The following GABRB3 variants were observed in gnomAD, a reference collection of about 807,000 sequenced individuals.
GABRB3 encodes the protein gamma-aminobutyric acid receptor subunit beta-3.
A neutral mutation model predicts 52.1 loss-of-function variants in GABRB3; 14 were observed. That is an observed-to-expected ratio of 0.27 (90% confidence interval 0.18 to 0.42). The LOEUF (loss-of-function observed/expected upper bound fraction) is 0.42. Among genes scored for constraint, GABRB3 ranks in the 10% least tolerant of loss-of-function variants. The pLI, the probability that GABRB3 is intolerant of heterozygous loss-of-function variation, is 1.00. For missense variants in GABRB3, 307 were observed against 609.1 expected (o/e 0.50, Z 5.22); for synonymous variants, 260 against 232.3 (o/e 1.12, Z -1.08).
intron 3 of GABRB3, among the ~76,000 whole-genome samples, chr15:26,650,926 C>T (rs1887177210): frequency 6.6e-6 from 1 of 152,130 alleles, no homozygotes. Context: ...GCTCCACTCT[C>T]TACTGAGAGC....
intron 3 of GABRB3, chr15:26,624,176 C>T: frequency 2.0e-6 from 2 of 983,790 alleles, no homozygotes; most frequent in Non-Finnish European, 2.4e-6. Context: ...TGCACCTTCA[C>T]AGGGCATATT....
intron 3 of GABRB3, among the ~76,000 whole-genome samples, chr15:26,756,587 T>A (rs1890668598): frequency 6.6e-6 from 1 of 151,686 alleles, no homozygotes. Context: ...CAAAAAAAAA[T>A]TTTTAAAGTA....
At chr15:26,614,633 G>A (rs1024781545) in intron 4 of GABRB3, 5 of 152,146 alleles carry the variant, frequency 3.3e-5, no homozygotes, top group Non-Finnish European at 7.3e-5. Flanking sequence ...AATCACACGA[G>A]ACCTAATACC....
Position 26,656,080 on chromosome 15 carries a change from G to A in GABRB3, c.241-34546C>T, listed in dbSNP as rs369114373. Among the ~76,000 whole-genome samples the A allele has an allele frequency of 1.4e-3, 214 of 152,114 alleles. 1 individual carries two copies. Among genetic ancestry groups the A allele is most frequent in the African/African-American group, 4.9e-3 (203 of 41,496 alleles). On this transcript the variant is annotated intron_variant, in intron 3 of 8. Coordinates refer to ENST00000311550, the MANE Select transcript of GABRB3 (RefSeq NM_000814.6). ...TTGGGATGTGCACGTTTTAACAGCC[G>A]TCAGATACAGATGCATATTTTCACA...
At chr15:26,724,444 C>G (rs989231538) in intron 3 of GABRB3, among the ~76,000 whole-genome samples, 1 of 152,148 alleles carries the variant, frequency 6.6e-6, no homozygotes, top group African/African-American at 2.4e-5. Context: ...AGGGGCTAAA[C>G]AGAAACCAGC....
At chr15:26,605,420 C>T (rs937005514) in intron 4 of GABRB3, among the ~76,000 whole-genome samples, 9 of 152,148 alleles carry the variant, frequency 5.9e-5, no homozygotes, top group Non-Finnish European at 1.2e-4. Context: ...GGTATACACC[C>T]AACAGGTGAA....
intron 3 of GABRB3, among the ~76,000 whole-genome samples, chr15:26,638,270 G>A (rs577535046): frequency 9.2e-5 from 14 of 152,246 alleles, no homozygotes; most frequent in African/African-American, 3.1e-4. Flanking sequence ...GGCAGATGCA[G>A]CAGGGCTGAG....
intron 5 of GABRB3, among the ~76,000 whole-genome samples, chr15:26,582,319 C>T (rs926244162): frequency 1.3e-5 from 2 of 152,206 alleles, no homozygotes; most frequent in African/African-American, 4.8e-5. Flanking sequence ...ACTTCCTCCA[C>T]TGGAGTTGTG....
intron 3 of GABRB3, among the ~76,000 whole-genome samples, chr15:26,672,177 C>T (rs558109341): frequency 6.6e-6 from 1 of 152,224 alleles, no homozygotes; most frequent in African/African-American, 2.4e-5. Context: ...TTATTTTGAG[C>T]TGAAGACATT....
chr15:26,711,462 GC>G, intron 3 of GABRB3, among the ~76,000 whole-genome samples: 1 of 105,888 alleles, frequency 9.4e-6, no homozygotes, highest in East Asian at 5.1e-4. Context: ...CCACTGCTCC[GC>G]TCGGCCTCAT....
intron 3 of GABRB3, among the ~76,000 whole-genome samples, chr15:26,742,947 T>TTTTTTTG (rs771203717): frequency 1.7e-4 from 18 of 104,164 alleles, no homozygotes; most frequent in East Asian, 6.1e-4. Flanking sequence ...TTTTTTTTTT[T>TTTTTTTG]GAGACAGAGT....
At chr15:26,590,730 T>C (rs1891168691) in intron 4 of GABRB3, among the ~76,000 whole-genome samples, 1 of 152,218 alleles carries the variant, frequency 6.6e-6, no homozygotes, top group African/African-American at 2.4e-5. Flanking sequence ...TTGAAGATGT[T>C]GCTGGGAAAA....
rs111461097 is a variant in GABRB3, at chr15:26,604,123, C to T, written c.461+17191G>A. On this transcript the variant is annotated intron_variant, in intron 4 of 8. Transcript: ENST00000311550. ...AACAAGTAGCACTTCTATATGGCAA[C>T]AGTGAACAATCTAAAAAAGAAATTT... Among the ~76,000 whole-genome samples the T allele has an allele frequency of 5.9e-4, 90 of 152,050 alleles. 1 individual carries two copies. The highest frequency in any genetic ancestry group is 2.0e-3 in the African/African-American group (83 of 41,522).
chr15:26,681,146 C>T (rs1179813802), intron 3 of GABRB3, among the ~76,000 whole-genome samples: 1 of 152,034 alleles, frequency 6.6e-6, no homozygotes, highest in African/African-American at 2.4e-5. Context: ...AATAAACAAA[C>T]CAACCAACCA....
chr15:26,580,595 T>G, intron 5 of GABRB3, 139 bp from the exon 6 acceptor site: 1 of 1,082,532 alleles, frequency 9.2e-7, no homozygotes, highest in Non-Finnish European at 1.4e-6. Flanking sequence ...CTAGGGGAAG[T>G]GTCATCAAAG....
intron 3 of GABRB3, among the ~76,000 whole-genome samples, chr15:26,686,989 C>T (rs552002111): frequency 2.4e-4 from 37 of 152,372 alleles, no homozygotes; most frequent in Non-Finnish European, 3.5e-4. Flanking sequence ...CGCAGCCACC[C>T]GCCAGCTCTG....
intron 5 of GABRB3, 33 bp from the exon 6 acceptor site, chr15:26,580,489 T>C: frequency 6.2e-7 from 1 of 1,613,956 alleles, no homozygotes; most frequent in Non-Finnish European, 8.5e-7. Context: ...ACAGCAAACA[T>C]CACCATTTCG....
intron 6 of GABRB3, among the ~76,000 whole-genome samples, chr15:26,572,472 A>G (rs1283044076): frequency 6.6e-6 from 1 of 152,198 alleles, no homozygotes; most frequent in East Asian, 1.9e-4. Flanking sequence ...ATGTTAGTCA[A>G]CCCAAGAATT....
rs1007528220 is a variant in GABRB3, at chr15:26,620,820, G to C, written c.461+494C>G. ...GTGATTATATTATGAGAGCTGGAGA[G>C]AGATGTTTCTCATCAGGAAATCTCT... On this transcript the variant is annotated intron_variant, in intron 4 of 8. Coordinates refer to ENST00000311550, the MANE Select transcript of GABRB3 (RefSeq NM_000814.6). 2.8e-4 allele frequency among the ~76,000 whole-genome samples: 43 copies of C among 152,158 alleles called. 1 individual carries two copies. Among genetic ancestry groups the C allele is most frequent in the Non-Finnish European group, 5.9e-5 (4 of 68,036 alleles).
Sources: gnomAD v4.1 joint callset for allele counts (sites outside exome capture counted in the v4.1 genomes callset) on GRCh38, gnomAD v4.1.1 for gene constraint, MANE v1.5 for transcripts, NCBI Gene and HGNC (gene_info 2026-07-23, HGNC 2026-07-21) for gene names.